Variants in AKR1C8 observed in about 807,000 individuals in gnomAD.
AKR1C8 encodes the protein aldo-keto reductase family 1 member C-like protein 1.
At chr10:5,161,845 C>T in the AKR1C8 span, 1 of 534,502 alleles carries the variant, frequency 1.9e-6, no homozygotes, top group African/African-American at 1.9e-5. Flanking sequence ...CAAGGAAAAA[C>T]AAAAGCTGAC....
At chr10:5,173,236 T>C in the AKR1C8 span, among the ~76,000 whole-genome samples, 1 of 152,080 alleles carries the variant, frequency 6.6e-6, no homozygotes, top group African/African-American at 2.4e-5. Flanking sequence ...GAAAACAAGA[T>C]TGATGAAGAG....
the AKR1C8 span, among the ~76,000 whole-genome samples, chr10:5,119,927 T>C: frequency 6.6e-6 from 1 of 152,142 alleles, no homozygotes; most frequent in Non-Finnish European, 1.5e-5. Context: ...TATCTAGACA[T>C]GCAAAAAGTT....
chr10:5,120,855 A>G, the AKR1C8 span, among the ~76,000 whole-genome samples: 3 of 152,120 alleles, frequency 2.0e-5, no homozygotes, highest in Admixed American at 1.3e-4. Context: ...GTTTTTGGTA[A>G]TTATTCTACC....
the AKR1C8 span, among the ~76,000 whole-genome samples, chr10:5,120,772 G>A: frequency 1.3e-5 from 2 of 151,872 alleles, no homozygotes; most frequent in Non-Finnish European, 2.9e-5. Context: ...TTTTTGGGGG[G>A]GACTGAATCT....
chr10:5,121,761 T>C, the AKR1C8 span, among the ~76,000 whole-genome samples: 17 of 152,284 alleles, frequency 1.1e-4, no homozygotes, highest in East Asian at 3.3e-3. Flanking sequence ...TTTTTCTTTT[T>C]TTAGCATAAA....
the AKR1C8 span, among the ~76,000 whole-genome samples, chr10:5,163,286 T>C: frequency 1.3e-5 from 2 of 152,184 alleles, no homozygotes; most frequent in Non-Finnish European, 2.9e-5. Flanking sequence ...AGAAATTGAA[T>C]ATAACATATT....
At chr10:5,172,688 T>C in the AKR1C8 span, among the ~76,000 whole-genome samples, 120 of 152,268 alleles carry the variant, frequency 7.9e-4, 1 homozygote, top group Middle Eastern at 3.4e-3. Context: ...CTGGCAACTC[T>C]TAAGACATTT....
chr10:5,135,588 ATCTG>A, the AKR1C8 span, among the ~76,000 whole-genome samples: 2 of 152,068 alleles, frequency 1.3e-5, no homozygotes, highest in East Asian at 1.9e-4. Context: ...ATCATCTATC[ATCTG>A]TCTATCTCAT....
chr10:5,167,305 A>C, the AKR1C8 span, among the ~76,000 whole-genome samples: 1 of 152,200 alleles, frequency 6.6e-6, no homozygotes, highest in Non-Finnish European at 1.5e-5. Context: ...AAGGATTATA[A>C]ATCATGCTGC....
the AKR1C8 span, among the ~76,000 whole-genome samples, chr10:5,158,322 C>T: frequency 6.6e-6 from 1 of 152,136 alleles, no homozygotes; most frequent in African/African-American, 2.4e-5. Flanking sequence ...CAAAATTGTA[C>T]AGCATTACAG....
At chr10:5,149,323 T>C in the AKR1C8 span, among the ~76,000 whole-genome samples, 1 of 152,148 alleles carries the variant, frequency 6.6e-6, no homozygotes, top group South Asian at 2.1e-4. Context: ...AACAATTTAT[T>C]TGCAAAATAT....
chr10:5,151,564 T>TTC, the AKR1C8 span, among the ~76,000 whole-genome samples: 1 of 150,664 alleles, frequency 6.6e-6, no homozygotes, highest in African/African-American at 2.4e-5. Context: ...TGGGTTTTTT[T>TTC]TTTTTTTTTT....
the AKR1C8 span, among the ~76,000 whole-genome samples, chr10:5,145,862 G>A: frequency 6.6e-6 from 1 of 152,060 alleles, no homozygotes; most frequent in Admixed American, 6.6e-5. Flanking sequence ...ATACCCAAAG[G>A]ATTATAAATC....
chr10:5,132,728 T>C, the AKR1C8 span: 1 of 1,547,704 alleles, frequency 6.5e-7, no homozygotes, highest in Non-Finnish European at 8.9e-7. Flanking sequence ...AACCAGCTTC[T>C]ATTGCTAATT....
chr10:5,164,215 G>A, the AKR1C8 span, among the ~76,000 whole-genome samples: 4 of 152,124 alleles, frequency 2.6e-5, no homozygotes, highest in East Asian at 7.7e-4. Context: ...TAGGTCCAAG[G>A]CAAAGCTGAG....
the AKR1C8 span, among the ~76,000 whole-genome samples, chr10:5,131,053 T>C: frequency 6.6e-6 from 1 of 151,882 alleles, no homozygotes. Context: ...TACTGATCTT[T>C]GATAAAGCAA....
the AKR1C8 span, among the ~76,000 whole-genome samples, chr10:5,149,052 AAT>A: frequency 6.6e-6 from 1 of 152,004 alleles, no homozygotes. Context: ...AGTAAGCACA[AAT>A]ATATATATAG....
the AKR1C8 span, among the ~76,000 whole-genome samples, chr10:5,153,350 T>C: frequency 6.6e-6 from 1 of 152,198 alleles, no homozygotes; most frequent in South Asian, 2.1e-4. Context: ...AAGTAAAATA[T>C]AATTCTGTAA....
chr10:5,147,596 C>T, the AKR1C8 span, among the ~76,000 whole-genome samples: 1 of 152,038 alleles, frequency 6.6e-6, no homozygotes, highest in Non-Finnish European at 1.5e-5. Flanking sequence ...AGCCAGAATC[C>T]CAGCAAGGCA....
Sources: gnomAD v4.1 joint callset for allele counts (sites outside exome capture counted in the v4.1 genomes callset) on GRCh38, gnomAD v4.1.1 for gene constraint, MANE v1.5 for transcripts, NCBI Gene and HGNC (gene_info 2026-07-23, HGNC 2026-07-21) for gene names.